The following ARHGAP17 variants were observed in gnomAD, a reference collection of about 807,000 sequenced individuals.
ARHGAP17 encodes Rho GTPase activating protein 17.
Under a neutral mutation model 99.5 loss-of-function variants are expected in ARHGAP17, and 57 were observed. The observed-to-expected ratio is 0.57, with a 90% CI of 0.46 to 0.71. ARHGAP17 has a LOEUF of 0.71. Ranked by LOEUF, ARHGAP17 falls within the 30% of genes least tolerant of loss-of-function variation. The pLI is 0.00. For synonymous variants in ARHGAP17, 417 were observed against 429.6 expected, an observed-to-expected ratio of 0.97 and a Z score of 0.36; for missense variants, 1,000 against 1,122.4, an observed-to-expected ratio of 0.89 and a Z score of 1.56.
intron 1 of ARHGAP17, among the ~76,000 whole-genome samples, chr16:25,013,126 G>A (rs2053685333): frequency 6.6e-6 from 1 of 152,212 alleles, no homozygotes; most frequent in South Asian, 2.1e-4. Context: ...ACGCCCAGGA[G>A]AGGCATCCAA....
intron 1 of ARHGAP17, among the ~76,000 whole-genome samples, chr16:25,002,179 A>G (rs2141485778): frequency 6.6e-6 from 1 of 152,322 alleles, no homozygotes; most frequent in East Asian, 1.9e-4. Flanking sequence ...AGAAAATATC[A>G]CAATTATATG....
intron 1 of ARHGAP17, among the ~76,000 whole-genome samples, chr16:24,984,217 G>A (rs2052786408): frequency 6.6e-6 from 1 of 152,116 alleles, no homozygotes; most frequent in Admixed American, 6.5e-5. Flanking sequence ...GGACACGAAT[G>A]CTCAAGTCCC....
chr16:24,947,673 A>C, intron 13 of ARHGAP17, 78 bp from the exon 14 acceptor site: 7 of 1,249,472 alleles, frequency 5.6e-6, no homozygotes, highest in South Asian at 1.2e-5. Context: ...TGGGTGCACA[A>C]TCCCAGTTTG....
intron 1 of ARHGAP17, among the ~76,000 whole-genome samples, chr16:25,006,800 T>G (rs150650755): frequency 7.2e-5 from 11 of 152,228 alleles, no homozygotes; most frequent in Admixed American, 5.9e-4. Flanking sequence ...TGAAGCCAAT[T>G]TGAGGAAGAA....
At position 24,931,218 on chromosome 16, in the gene ARHGAP17, TG is replaced by T. The variant is rs2050980571; in HGVS notation, c.2080del (p.Gln694SerfsTer32). Reference protein sequence around the residue: ...QPPGQPSAPSQLSAPRRYSSS... With the variant: ...QPPGQPSAPSXLSAPRRYSSS... ...GGAGTACCTCCGGGGTGCTGAGAGC[TG>T]GGAGGGGGCGGAGGGCTGGCCTGGA... is the stretch of plus-strand genomic sequence containing the variant. On this transcript the variant is annotated frameshift_variant, in exon 19 of 20. Coordinates refer to ENST00000289968, the MANE Select transcript of ARHGAP17 (RefSeq NM_001006634.3). LOFTEE classifies it high-confidence loss of function. 1 of 1,415,188 alleles carries T rather than the reference TG, an allele frequency of 7.1e-7. No individual in the cohort carries two copies. Among genetic ancestry groups the T allele is most frequent in the Non-Finnish European group, 9.4e-7 (1 of 1,068,776 alleles). 87.7% of individuals were successfully genotyped at this position (1,415,188 alleles called of 1,614,324 possible). A position where few individuals can be genotyped will look rare whatever the true frequency, so the allele number is the denominator to read the frequency against.
intron 14 of ARHGAP17, among the ~76,000 whole-genome samples, chr16:24,946,959 G>A (rs1412023891): frequency 6.6e-6 from 1 of 152,122 alleles, no homozygotes; most frequent in Non-Finnish European, 1.5e-5. Context: ...CATAATATAC[G>A]TGAAATCCCA....
At chr16:24,980,593 G>A (rs1299543431) in intron 1 of ARHGAP17, among the ~76,000 whole-genome samples, 1 of 152,150 alleles carries the variant, frequency 6.6e-6, no homozygotes. Context: ...GCCAAACACA[G>A]GTAGTCATAC....
intron 1 of ARHGAP17, among the ~76,000 whole-genome samples, chr16:25,008,279 A>C (rs2053558463): frequency 6.6e-6 from 1 of 152,214 alleles, no homozygotes; most frequent in African/African-American, 2.4e-5. Context: ...ATATCCATTC[A>C]GTGGGAATAT....
chr16:24,943,086 C>T (rs182156278), intron 15 of ARHGAP17, among the ~76,000 whole-genome samples: 9 of 152,266 alleles, frequency 5.9e-5, no homozygotes, highest in Admixed American at 3.3e-4. Context: ...GTGGGGGATC[C>T]GGAATTCCAA....
chr16:24,944,146 G>A (rs897333725), intron 14 of ARHGAP17, among the ~76,000 whole-genome samples: 7 of 151,368 alleles, frequency 4.6e-5, no homozygotes, highest in Non-Finnish European at 5.9e-5. Flanking sequence ...TGGTGCGTTC[G>A]CATAGTCCCA....
At chr16:25,012,342 T>A (rs1276286135) in intron 1 of ARHGAP17, among the ~76,000 whole-genome samples, 1 of 152,058 alleles carries the variant, frequency 6.6e-6, no homozygotes, top group African/African-American at 2.4e-5. Context: ...TCTCTACAAG[T>A]CCCTCCCCTG....
At chr16:24,990,524 G>A (rs2053007491) in intron 1 of ARHGAP17, among the ~76,000 whole-genome samples, 1 of 151,916 alleles carries the variant, frequency 6.6e-6, no homozygotes. Flanking sequence ...TGGGCATGGT[G>A]GTGAGCACTT....
chr16:24,942,286 A>T, intron 15 of ARHGAP17, 143 bp from the exon 16 acceptor site: 1 of 759,058 alleles, frequency 1.3e-6, no homozygotes, highest in Admixed American at 3.0e-5. Flanking sequence ...AGGCACTCAC[A>T]TCGCAAGAAT....
chr16:24,938,961 A>G (rs1238745383), intron 17 of ARHGAP17, among the ~76,000 whole-genome samples: 1 of 152,140 alleles, frequency 6.6e-6, no homozygotes, highest in Non-Finnish European at 1.5e-5. Context: ...ATGGGTGAAT[A>G]AATGCCAGGA....
intron 1 of ARHGAP17, among the ~76,000 whole-genome samples, chr16:24,989,380 C>G (rs945812526): frequency 2.6e-5 from 4 of 152,250 alleles, no homozygotes; most frequent in East Asian, 1.9e-4. Flanking sequence ...ACAGCCCTGG[C>G]AGGGGCCTAT....
intron 9 of ARHGAP17, 61 bp downstream of exon 9, chr16:24,959,610 G>A: frequency 1.3e-6 from 2 of 1,537,254 alleles, no homozygotes; most frequent in South Asian, 1.2e-5. Context: ...GGGTGAAGAA[G>A]AACCCAGGCA....
Position 24,954,589 on chromosome 16 carries a change from G to T in ARHGAP17, c.852+14C>A, listed in dbSNP as rs748725616. 1 of 1,609,926 alleles carries T rather than the reference G, an allele frequency of 6.2e-7. No individual in the cohort carries two copies. Among genetic ancestry groups the T allele is most frequent in the South Asian group, 1.1e-5 (1 of 90,258 alleles). ...ATGGAGACTTGGTGCACAGGATCAC[G>T]AAGCTCCCCTCACCTCCTCCTTCAT... On this transcript the variant is annotated intron_variant, in intron 10 of 19. Coordinates refer to ENST00000289968, the MANE Select transcript of ARHGAP17 (RefSeq NM_001006634.3).
rs1010780207 is a variant in ARHGAP17, at chr16:24,947,424, A to G, written c.1241+58T>C. 38 of 1,389,876 alleles carry G rather than the reference A, an allele frequency of 2.7e-5. No individual in the cohort carries two copies. In the African/African-American group the frequency reaches 5.1e-4, roughly 19 times the overall value. 86.1% of individuals were successfully genotyped at this position (1,389,876 alleles called of 1,614,324 possible). On this transcript the variant is annotated intron_variant, in intron 14 of 19. Coordinates refer to ENST00000289968, the MANE Select transcript of ARHGAP17 (RefSeq NM_001006634.3). ...AATGTGTAACCTGAGTTACATTTCT[A>G]TGCATCCCATCAGGTGGGAAAGAAG... is the stretch of plus-strand genomic sequence containing the variant.
At chr16:24,964,386 T>C (rs753938506) in intron 6 of ARHGAP17, 78 bp from the exon 7 acceptor site, 29 of 960,046 alleles carry the variant, frequency 3.0e-5, no homozygotes, top group African/African-American at 3.3e-5. Flanking sequence ...CTGGTGGAGA[T>C]AGATCCTTCC....
Sources: allele counts gnomAD v4.1 joint callset (sites outside exome capture counted in the v4.1 genomes callset), GRCh38; gene constraint gnomAD v4.1.1; transcripts MANE v1.5; gene names NCBI Gene and HGNC (gene_info 2026-07-23, HGNC 2026-07-21).